Variants in IL1RL1 observed in about 807,000 individuals in gnomAD.
IL1RL1 encodes the protein interleukin 1 receptor like 1, also known as interleukin-1 receptor-like 1.
Under a neutral mutation model 50.9 loss-of-function variants are expected in IL1RL1, and 32 were observed. The observed-to-expected ratio is 0.63, with a 90% CI of 0.47 to 0.84. The LOEUF (loss-of-function observed/expected upper bound fraction) is 0.84, where lower values mean the gene tolerates loss of function less well. Among genes scored for constraint, IL1RL1 ranks in the 40% least tolerant of loss-of-function variants. IL1RL1 has a pLI of 0.00. For missense variants in IL1RL1, 773 were observed against 662.9 expected (o/e 1.17, Z -1.82); for synonymous variants, 275 against 236.0 (o/e 1.17, Z -1.51).
At chr2:102,339,509 G>A (rs1232640675) in intron 3 of IL1RL1, 1 of 156,384 alleles carries the variant, frequency 6.4e-6, no homozygotes, top group Non-Finnish European at 1.4e-5. Flanking sequence ...ATTGTTAAAT[G>A]TTTTGATTTT....
chr2:102,337,381 T>C (rs1191930600), intron 1 of IL1RL1: 1 of 152,358 alleles, frequency 6.6e-6, no homozygotes, highest in African/African-American at 2.4e-5. Flanking sequence ...AAGAAAAGTC[T>C]TCATAATTCA....
At chr2:102,334,475 C>G (rs895965775) in intron 1 of IL1RL1, among the ~76,000 whole-genome samples, 7 of 152,064 alleles carry the variant, frequency 4.6e-5, no homozygotes, top group Non-Finnish European at 1.0e-4. Flanking sequence ...GCTAGGCCGT[C>G]TAGGGGCATG....
intron 1 of IL1RL1, among the ~76,000 whole-genome samples, chr2:102,321,594 C>T (rs990873047): frequency 3.3e-5 from 5 of 151,990 alleles, no homozygotes; most frequent in Admixed American, 6.6e-5. Flanking sequence ...TTTTATGGTC[C>T]GAGTAATTAC....
intron 1 of IL1RL1, among the ~76,000 whole-genome samples, chr2:102,321,724 C>G (rs751677133): frequency 7.2e-5 from 11 of 152,188 alleles, no homozygotes; most frequent in Admixed American, 1.3e-4. Context: ...AAATCCACCC[C>G]TCTTTGCATC....
chr2:102,338,767 T>C lies in IL1RL1; in HGVS notation c.62-70T>C, dbSNP rs1677425698. ...CTAAATTTAATCCTAGAAGAAAATA[T>C]TGAGAGTATAAGAATTATGATCTTT... On this transcript the variant is annotated intron_variant, in intron 2 of 10. Coordinates refer to ENST00000233954, the MANE Select transcript of IL1RL1 (RefSeq NM_016232.5). 3 of 1,188,022 alleles carry C rather than the reference T, an allele frequency of 2.5e-6. No homozygotes were observed. In the East Asian group the frequency reaches 7.1e-5, roughly 28 times the overall value. The allele number at this position is 1,188,022 out of a possible 1,614,324, so 73.6% of individuals were successfully genotyped here. A position where few individuals can be genotyped will look rare whatever the true frequency, so the allele number is the denominator to read the frequency against.
intron 8 of IL1RL1, among the ~76,000 whole-genome samples, chr2:102,347,487 C>A (rs1677816088): frequency 6.6e-6 from 1 of 152,192 alleles, no homozygotes; most frequent in East Asian, 1.9e-4. Context: ...TGGGTTATTC[C>A]ATTTCCTCAG....
At position 102,347,977 on chromosome 2, in the gene IL1RL1, G is replaced by C. The variant is rs879063318; in HGVS notation, c.1003G>C (p.Val335Leu). The C allele has an allele frequency of 2.6e-6, 4 of 1,554,608 alleles. No homozygotes were observed. In the South Asian group the frequency reaches 4.5e-5, roughly 17 times the overall value. The change falls in exon 9 of 11, where the codon GTA becomes CTA. Residue 335 changes from valine (V) to leucine (L), a missense_variant. Val to Leu is a conservative substitution (Grantham distance 32, BLOSUM62 1). Coordinates refer to ENST00000233954, the MANE Select transcript of IL1RL1 (RefSeq NM_016232.5). ...TCATAGCATCTACTGCATAATTGCAGTATGTAGTGTATTTTTAATGCTAAT... is the reference window on the plus strand; with the variant it reads ...TCATAGCATCTACTGCATAATTGCACTATGTAGTGTATTTTTAATGCTAAT... ...DHHSIYCIIA[V>L]CSVFLMLINV...
At position 102,311,952 on chromosome 2, in the gene IL1RL1, AATATATATTATATATAATATT is replaced by A. The variant is rs1559592071; in HGVS notation, c.-150+337_-150+357del. On this transcript the variant is annotated intron_variant, in intron 1 of 10. Transcript: ENST00000233954. ...ATATATTATATATAATATTATATAT[AATATATATTATATATAATATT>A]ATATATAATATATATTATATATAAT... is the stretch of plus-strand genomic sequence containing the variant. Among the ~76,000 whole-genome samples, 12 of 41,336 alleles carry A rather than the reference AATATATATTATATATAATATT, an allele frequency of 2.9e-4. 1 individual carries two copies. Among genetic ancestry groups the A allele is most frequent in the Non-Finnish European group, 4.5e-4 (11 of 24,498 alleles). The allele number at this position is 41,336 out of a possible 152,430, so 27.1% of individuals were successfully genotyped here. A position where few individuals can be genotyped will look rare whatever the true frequency, so the allele number is the denominator to read the frequency against.
At chr2:102,318,132 T>C (rs1216359485) in intron 1 of IL1RL1, among the ~76,000 whole-genome samples, 1 of 151,546 alleles carries the variant, frequency 6.6e-6, no homozygotes, top group East Asian at 1.9e-4. Flanking sequence ...AAGAGAGGAG[T>C]AATTTGAAAG....
chr2:102,316,087 G>T (rs934661470), intron 1 of IL1RL1, among the ~76,000 whole-genome samples: 4 of 152,108 alleles, frequency 2.6e-5, no homozygotes, highest in Non-Finnish European at 2.9e-5. Context: ...ACTCACCTCT[G>T]ATTTCTAGTT....
intron 1 of IL1RL1, among the ~76,000 whole-genome samples, chr2:102,336,370 A>G (rs1677327086): frequency 1.3e-5 from 2 of 152,176 alleles, no homozygotes; most frequent in African/African-American, 2.4e-5. Context: ...GAATTAATAC[A>G]TGTAAATCAC....
intron 1 of IL1RL1, among the ~76,000 whole-genome samples, chr2:102,327,918 C>A (rs2104971406): frequency 6.6e-6 from 1 of 152,268 alleles, no homozygotes; most frequent in South Asian, 2.1e-4. Context: ...CCGAATTCTA[C>A]CAGAGGTACA....
rs370025010 is a variant in IL1RL1, at chr2:102,348,102, A to G, written c.1117+11A>G. The G allele has an allele frequency of 1.9e-6, 3 of 1,601,496 alleles. No homozygotes were observed. The highest frequency in any genetic ancestry group is 2.7e-5 in the African/African-American group (2 of 74,388). The stretch of plus-strand genomic sequence containing the variant: ...ACAAGACTAGGAATGGTAAGTGGCA[A>G]ATACCAAGTTTTTCTCCCAAAGAAA... On this transcript the variant is annotated intron_variant, in intron 9 of 10. Transcript: ENST00000233954.
chr2:102,342,114 G>A (rs1190214759), intron 5 of IL1RL1, 109 bp from the exon 6 acceptor site: 2 of 615,924 alleles, frequency 3.2e-6, no homozygotes, highest in Non-Finnish European at 5.6e-6. Flanking sequence ...ATTGTCAGAA[G>A]AACTTGAAAA....
rs1677949494 is a variant in IL1RL1, at chr2:102,351,921, G to C, written c.1671G>C (p.Ter557TyrextTer4). Residue 557 changes from the stop codon to tyrosine, a stop_lost, in exon 11 of 11, where the codon TAG becomes TAC. Coordinates refer to ENST00000233954, the MANE Select transcript of IL1RL1 (RefSeq NM_016232.5). Reference sequence around the variant, plus strand: ...CTCCCTTGGCTGCCCAGAAGCAATAGTGCCTGCTGTGATGTGCAAAGGCAT... The same window carrying C: ...CTCCCTTGGCTGCCCAGAAGCAATACTGCCTGCTGTGATGTGCAAAGGCAT... ...SLTPLAAQKQ[*>Y] The C allele has an allele frequency of 6.2e-7, 1 of 1,603,472 alleles. No homozygotes were observed. The highest frequency in any genetic ancestry group is 8.5e-7 in the Non-Finnish European group (1 of 1,175,340).
chr2:102,348,062 A>T lies in IL1RL1; in HGVS notation c.1088A>T (p.Asp363Val). The change falls in exon 9 of 11, where the codon GAC becomes GTC. Residue 363 changes from aspartate (D) to valine (V), a missense_variant. Coordinates refer to ENST00000233954, the MANE Select transcript of IL1RL1 (RefSeq NM_016232.5). ...ATTGAGGCCACTCTGCTCTGGAGAG[A>T]CATAGCTAAACCTTACAAGACTAGG... ...FWIEATLLWR[D>V]IAKPYKTRND... 3 of 1,613,088 alleles carry T rather than the reference A, an allele frequency of 1.9e-6. No individual in the cohort carries two copies. Among genetic ancestry groups the T allele is most frequent in the South Asian group, 1.1e-5 (1 of 90,916 alleles).
At chr2:102,316,547 G>A (rs1239992568) in intron 1 of IL1RL1, among the ~76,000 whole-genome samples, 1 of 152,140 alleles carries the variant, frequency 6.6e-6, no homozygotes, top group Non-Finnish European at 1.5e-5. Context: ...TCATCTTGCA[G>A]CAGCTTGGAA....
At position 102,338,920 on chromosome 2, in the gene IL1RL1, T is replaced by C; in HGVS notation, c.145T>C (p.Tyr49His). 1 of 1,613,754 alleles carries C rather than the reference T, an allele frequency of 6.2e-7. No individual in the cohort carries two copies. Among genetic ancestry groups the C allele is most frequent in the Non-Finnish European group, 8.5e-7 (1 of 1,179,716 alleles). ...QGKPSYTVDWYYSQTNKSIPT... is the reference protein window; with the variant it reads ...QGKPSYTVDWHYSQTNKSIPT... ...AAAACCTAGTTACACCGTGGATTGG[T>C]ATTACTCACAAACAAACAAAAGTAT... Residue 49 changes from tyrosine to histidine, a missense_variant, in exon 3 of 11, where the codon TAT (tyrosine) becomes CAT (histidine). Transcript: ENST00000233954.
At chr2:102,332,459 A>C (rs1254028603) in intron 1 of IL1RL1, among the ~76,000 whole-genome samples, 3 of 152,212 alleles carry the variant, frequency 2.0e-5, no homozygotes, top group African/African-American at 7.2e-5. Context: ...ACACAGTGGA[A>C]TATTATTCAG....
Sources: allele counts gnomAD v4.1 joint callset (sites outside exome capture counted in the v4.1 genomes callset), GRCh38; gene constraint gnomAD v4.1.1; transcripts MANE v1.5; gene names NCBI Gene and HGNC (gene_info 2026-07-23, HGNC 2026-07-21).